Variants in ATP8A1 observed in about 807,000 individuals in gnomAD.
The protein encoded by ATP8A1 is phospholipid-transporting ATPase IA.
In ATP8A1, 90 loss-of-function variants were observed where a neutral mutation model predicts 177.7. That is an observed-to-expected ratio of 0.51 (90% CI 0.43 to 0.60). The LOEUF (loss-of-function observed/expected upper bound fraction) is 0.60. Among genes scored for constraint, ATP8A1 ranks in the 20% least tolerant of loss-of-function variants. The pLI, the probability that ATP8A1 is intolerant of heterozygous loss-of-function variation, is 0.00. For missense variants in ATP8A1, 1,072 were observed against 1,392.8 expected, an observed-to-expected ratio of 0.77 and a Z score of 3.67; for synonymous variants, 493 against 485.9, an observed-to-expected ratio of 1.01 and a Z score of -0.19.
At chr4:42,465,519 C>T (rs1719640199) in intron 25 of ATP8A1, among the ~76,000 whole-genome samples, 1 of 152,216 alleles carries the variant, frequency 6.6e-6, no homozygotes, top group African/African-American at 2.4e-5. Flanking sequence ...TAAAACTCTA[C>T]TTAAATTAAT....
At chr4:42,645,936 A>T (rs1311181183) in intron 1 of ATP8A1, among the ~76,000 whole-genome samples, 1 of 152,078 alleles carries the variant, frequency 6.6e-6, no homozygotes, top group Non-Finnish European at 1.5e-5. Flanking sequence ...GGTTAGAGAA[A>T]AAAAAAAAAG....
At chr4:42,535,789 T>C (rs2153203197) in intron 20 of ATP8A1, among the ~76,000 whole-genome samples, 1 of 152,234 alleles carries the variant, frequency 6.6e-6, no homozygotes, top group Middle Eastern at 3.4e-3. Flanking sequence ...TGGAATCAAA[T>C]TGGAAATCAA....
intron 33 of ATP8A1, among the ~76,000 whole-genome samples, chr4:42,431,272 C>T (rs1347061657): frequency 6.6e-6 from 1 of 152,122 alleles, no homozygotes; most frequent in Non-Finnish European, 1.5e-5. Context: ...CAGTCAGACT[C>T]TAATCTCTTT....
At chr4:42,642,880 A>C (rs1237215857) in intron 1 of ATP8A1, among the ~76,000 whole-genome samples, 1 of 152,214 alleles carries the variant, frequency 6.6e-6, no homozygotes, top group African/African-American at 2.4e-5. Flanking sequence ...GAAGACTTCA[A>C]AACCACTCCA....
chr4:42,504,924 C>G (rs1244842513), intron 23 of ATP8A1, among the ~76,000 whole-genome samples: 1 of 152,214 alleles, frequency 6.6e-6, no homozygotes, highest in Non-Finnish European at 1.5e-5. Context: ...TAACAGAAGA[C>G]AGCTTTTCTC....
At position 42,601,741 on chromosome 4, in the gene ATP8A1, G is replaced by A. The variant is rs145683321; in HGVS notation, c.410-1223C>T. Among the ~76,000 whole-genome samples, 3 of 152,210 alleles carry A rather than the reference G, an allele frequency of 2.0e-5. No individual in the cohort carries two copies. The East Asian group carries it at 5.8e-4, about 29-fold the overall frequency. ...ACAGCACAGTACCTGGCACACAGTA[G>A]CTACTCAGTAAGTATTTGCAAAATG... On this transcript the variant is annotated intron_variant, in intron 5 of 36. Coordinates refer to ENST00000381668, the MANE Select transcript of ATP8A1 (RefSeq NM_006095.2).
Position 42,479,964 on chromosome 4 carries a change from C to A in ATP8A1, c.2324+5532G>T, listed in dbSNP as rs148925559. 2.1e-5 allele frequency among the ~76,000 whole-genome samples: 3 copies of A among 145,566 alleles called. No homozygotes were observed. In the Admixed American group the frequency reaches 2.1e-4, roughly 10 times the overall value. Reference sequence around the variant, plus strand: ...TGTACTCTCCATTACGTGTTACCTACCTCATTAGAATTATGTAATCTGCAG... The same window carrying A: ...TGTACTCTCCATTACGTGTTACCTAACTCATTAGAATTATGTAATCTGCAG... On this transcript the variant is annotated intron_variant, in intron 25 of 36. Coordinates refer to ENST00000381668, the MANE Select transcript of ATP8A1 (RefSeq NM_006095.2).
rs531018430 is a variant in ATP8A1 at position 42,487,750 on chromosome 4, C to T, written c.2152-2082G>A. Among the ~76,000 whole-genome samples, 9 of 152,158 alleles carry T rather than the reference C, an allele frequency of 5.9e-5. No homozygotes were observed. In the South Asian group the frequency reaches 1.0e-3, roughly 18 times the overall value. On this transcript the variant is annotated intron_variant, in intron 24 of 36. Coordinates refer to ENST00000381668, the MANE Select transcript of ATP8A1 (RefSeq NM_006095.2). The stretch of plus-strand genomic sequence containing the variant: ...GTGTTTTTACATTTGTATGCAAATG[C>T]GGTTCACACTATGTTCTGGAATATC...
chr4:42,626,806 G>C, intron 2 of ATP8A1, 189 bp downstream of exon 2: 2 of 600,368 alleles, frequency 3.3e-6, no homozygotes, highest in Middle Eastern at 6.2e-4. Context: ...TCTGCTCCTC[G>C]CTATTTCCAG....
At chr4:42,437,106 G>T (rs1240097946) in intron 33 of ATP8A1, among the ~76,000 whole-genome samples, 1 of 152,132 alleles carries the variant, frequency 6.6e-6, no homozygotes, top group East Asian at 1.9e-4. Flanking sequence ...TTAGGCCAGG[G>T]AGAGCAGAAA....
chr4:42,545,304 C>A lies in ATP8A1; in HGVS notation c.1653-1318G>T, dbSNP rs146436511. 1.0e-3 allele frequency among the ~76,000 whole-genome samples: 155 copies of A among 152,262 alleles called. 1 individual carries two copies. Among genetic ancestry groups the A allele is most frequent in the East Asian group, 2.3e-3 (12 of 5,180 alleles). The stretch of plus-strand genomic sequence containing the variant: ...TTTGTAATGACACCTATACATTCTA[C>A]GTTAGCCCTTCCTGATTCATGCCTC... On this transcript the variant is annotated intron_variant, in intron 19 of 36. Transcript: ENST00000381668.
At chr4:42,517,845 T>C (rs960296939) in intron 22 of ATP8A1, among the ~76,000 whole-genome samples, 3 of 152,216 alleles carry the variant, frequency 2.0e-5, no homozygotes, top group Non-Finnish European at 2.9e-5. Context: ...GATTTAAAAG[T>C]CCTAAATCCT....
Position 42,489,022 on chromosome 4 carries a change from A to G in ATP8A1, c.2152-3354T>C, listed in dbSNP as rs143508016. Among the ~76,000 whole-genome samples, 187 of 151,622 alleles carry G rather than the reference A, an allele frequency of 1.2e-3. 1 individual carries two copies. The highest frequency in any genetic ancestry group is 4.3e-3 in the African/African-American group (179 of 41,574). On this transcript the variant is annotated intron_variant, in intron 24 of 36. Coordinates refer to ENST00000381668, the MANE Select transcript of ATP8A1 (RefSeq NM_006095.2). ...CTTTATTATCACTTCTGATTAGAGA[A>G]AGAGAGAGAGTAAGAGAGAGACACA...
At chr4:42,641,641 A>G (rs1422605439) in intron 1 of ATP8A1, among the ~76,000 whole-genome samples, 1 of 152,172 alleles carries the variant, frequency 6.6e-6, no homozygotes, top group Non-Finnish European at 1.5e-5. Flanking sequence ...AGTTAACCCC[A>G]TTGACTTCAG....
chr4:42,449,188 G>A (rs1717665946), intron 30 of ATP8A1, among the ~76,000 whole-genome samples: 1 of 152,170 alleles, frequency 6.6e-6, no homozygotes, highest in Non-Finnish European at 1.5e-5. Flanking sequence ...GCAGTCTCTG[G>A]TTCAATCCAG....
chr4:42,582,443 G>T (rs1026437454), intron 9 of ATP8A1, among the ~76,000 whole-genome samples: 1 of 151,524 alleles, frequency 6.6e-6, no homozygotes, highest in Non-Finnish European at 1.5e-5. Flanking sequence ...TGGGGATAAG[G>T]AATCTGTCTA....
chr4:42,435,436 A>C (rs56051437), intron 33 of ATP8A1, among the ~76,000 whole-genome samples: 3,134 of 77,758 alleles, frequency 0.04, 52 homozygotes, highest in African/African-American at 0.15. Context: ...CAAAAAAAAA[A>C]AAAAAAAAAA....
chr4:42,566,026 T>C (rs1202854518), intron 15 of ATP8A1, among the ~76,000 whole-genome samples: 2 of 152,198 alleles, frequency 1.3e-5, no homozygotes, highest in Non-Finnish European at 2.9e-5. Context: ...AGGTAGCTAC[T>C]GGTTGGGAAA....
At chr4:42,420,400 C>T (rs998906113) in intron 35 of ATP8A1, among the ~76,000 whole-genome samples, 4 of 152,256 alleles carry the variant, frequency 2.6e-5, no homozygotes, top group Admixed American at 6.5e-5. Flanking sequence ...GGCAAATGAG[C>T]GAGGCAGCAG....
Sources: allele counts gnomAD v4.1 joint callset (sites outside exome capture counted in the v4.1 genomes callset), GRCh38; gene constraint gnomAD v4.1.1; transcripts MANE v1.5; gene names NCBI Gene and HGNC (gene_info 2026-07-23, HGNC 2026-07-21).